CHRNA6: variants seen among roughly 807,000 people sequenced by gnomAD.
CHRNA6 encodes neuronal acetylcholine receptor subunit alpha-6.
A neutral mutation model predicts 40.9 loss-of-function variants in CHRNA6; 31 were observed. The observed-to-expected ratio is 0.76, with a 90% CI of 0.57 to 1.02. The LOEUF (loss-of-function observed/expected upper bound fraction) is 1.02, where lower values mean the gene tolerates loss of function less well. Ranked by LOEUF, CHRNA6 falls within the 50% of genes least tolerant of loss-of-function variation. The pLI is 0.00. For synonymous variants in CHRNA6, 222 were observed against 221.3 expected (o/e 1.00, Z -0.03); for missense variants, 546 against 596.6 (o/e 0.92, Z 0.88).
rs1362894215 is a variant in CHRNA6, at chr8:42,754,965, G to A, written c.1353+881C>T. On this transcript the variant is annotated intron_variant, in intron 5 of 5. Coordinates refer to ENST00000276410, the MANE Select transcript of CHRNA6 (RefSeq NM_004198.3). ...GCACCCCCAGGCTGCACGCTGCTCCGAACTCATTTCTCCTTCCCTCTGGGG... is the reference window on the plus strand; with the variant it reads ...GCACCCCCAGGCTGCACGCTGCTCCAAACTCATTTCTCCTTCCCTCTGGGG... 7.9e-5 allele frequency among the ~76,000 whole-genome samples: 12 copies of A among 151,784 alleles called. No homozygotes were observed. The East Asian group carries it at 1.2e-3, about 15-fold the overall frequency.
At chr8:42,759,866 C>A (rs1477509797) in intron 2 of CHRNA6, among the ~76,000 whole-genome samples, 1 of 148,584 alleles carries the variant, frequency 6.7e-6, no homozygotes, top group East Asian at 2.0e-4. Context: ...TGCCACTGTA[C>A]TCCAGCCCAG....
In CHRNA6 at chr8:42,756,812, G is replaced by A. The variant is rs1431022473; in HGVS notation, c.387C>T (p.Asp129=). 1 of 1,607,652 alleles carries A rather than the reference G, an allele frequency of 6.2e-7. No individual in the cohort carries two copies. Among genetic ancestry groups the A allele is most frequent in the Non-Finnish European group, 8.5e-7 (1 of 1,177,972 alleles). Residue 129 remains aspartate (D), a synonymous_variant, in exon 5 of 6, where the codon GAC becomes GAT. Coordinates refer to ENST00000276410, the MANE Select transcript of CHRNA6 (RefSeq NM_004198.3). ...DIVLYNNAVG[D]FQVEGKTKAL... ...CTTTTGTTTTGCCTTCTACTTGGAA[G>A]TCACCAACAGCACTGCAAAGCAAGT...
At chr8:42,764,386 G>A (rs1816944337) in intron 2 of CHRNA6, among the ~76,000 whole-genome samples, 1 of 151,714 alleles carries the variant, frequency 6.6e-6, no homozygotes, top group South Asian at 2.1e-4. Flanking sequence ...GGAGTGCAGT[G>A]GTGCAATCTC....
Position 42,768,398 on chromosome 8 carries a change from A to T in CHRNA6, c.33T>A (p.His11Gln), listed in dbSNP as rs1213154571. ...CACACAGCCAGAGACACAAGCCCCC[A>T]TGAAGGAATCCCTGCCCCTTGCTGG... MLTSKGQGFL[H>Q]GGLCLWLCVF... The change falls in exon 1 of 6, where the codon CAT (histidine) becomes CAA (glutamine). Residue 11 changes from histidine to glutamine, a missense_variant. This residue lies in a region of CHRNA6 where 476 missense variants were observed against 494.5 expected (regional missense o/e 0.96). Coordinates refer to ENST00000276410, the MANE Select transcript of CHRNA6 (RefSeq NM_004198.3). 1 of 1,614,026 alleles carries T rather than the reference A, an allele frequency of 6.2e-7. No individual in the cohort carries two copies. The highest frequency in any genetic ancestry group is 8.5e-7 in the Non-Finnish European group (1 of 1,179,962).
chr8:42,755,569 G>A lies in CHRNA6; in HGVS notation c.1353+277C>T, dbSNP rs571746292. Among the ~76,000 whole-genome samples the A allele has an allele frequency of 8.5e-5, 13 of 152,272 alleles. No individual in the cohort carries two copies. In the South Asian group the frequency reaches 1.2e-3, roughly 15 times the overall value. On this transcript the variant is annotated intron_variant, in intron 5 of 5. Coordinates refer to ENST00000276410, the MANE Select transcript of CHRNA6 (RefSeq NM_004198.3). ...TAGGATTACAGGCGTGAGCCACCAC[G>A]CCCGGCCCTGAATGTTCATTTTAAG...
intron 1 of CHRNA6, among the ~76,000 whole-genome samples, chr8:42,766,971 C>G (rs1040674308): frequency 3.3e-5 from 5 of 152,088 alleles, no homozygotes; most frequent in Non-Finnish European, 7.4e-5. Flanking sequence ...TTTGAAACTT[C>G]CTTTTTGTTG....
chr8:42,756,217 G>A lies in CHRNA6; in HGVS notation c.982C>T (p.His328Tyr), dbSNP rs779838446. Residue 328 changes from histidine (H) to tyrosine (Y), a missense_variant, in exon 5 of 6, where the codon CAC (histidine) becomes TAC (tyrosine). Physicochemically the swap from His to Tyr is moderately conservative, Grantham distance 83. This residue lies in a region of CHRNA6 where 476 missense variants were observed against 494.5 expected (regional missense o/e 0.96). Transcript: ENST00000276410. ...GTGTGCGTGGTTGGGGTGCGGTAGT[G>A]TATGTTCAACACAAACACAGTCACC... ...IVVTVFVLNI[H>Y]YRTPTTHTMP... The A allele has an allele frequency of 1.9e-6, 3 of 1,614,104 alleles. No homozygotes were observed. Among genetic ancestry groups the A allele is most frequent in the African/African-American group, 1.3e-5 (1 of 74,938 alleles).
chr8:42,757,453 G>A (rs1247948247), intron 3 of CHRNA6, among the ~76,000 whole-genome samples: 1 of 151,952 alleles, frequency 6.6e-6, no homozygotes, highest in Admixed American at 6.6e-5. Flanking sequence ...GGCCAGGCGT[G>A]GTGGCTCACG....
intron 5 of CHRNA6, among the ~76,000 whole-genome samples, chr8:42,754,296 T>C (rs774147421): frequency 8.5e-5 from 13 of 152,074 alleles, no homozygotes; most frequent in Non-Finnish European, 1.8e-4. Flanking sequence ...CCTCCCGCCT[T>C]AGCCTCCCAC....
Position 42,768,379 on chromosome 8 carries a change from G to A in CHRNA6, c.52C>T (p.Leu18=). Residue 18 remains leucine, a synonymous_variant, in exon 1 of 6, where the codon CTG becomes TTG. Coordinates refer to ENST00000276410, the MANE Select transcript of CHRNA6 (RefSeq NM_004198.3). ...TTAAAGAAAGGTGTGAACACACACA[G>A]CCAGAGACACAAGCCCCCATGAAGG... The part of the protein sequence containing the change: ...GFLHGGLCLW[L]CVFTPFFKGC... 1 of 1,614,020 alleles carries A rather than the reference G, an allele frequency of 6.2e-7. No individual in the cohort carries two copies. The highest frequency in any genetic ancestry group is 8.5e-7 in the Non-Finnish European group (1 of 1,179,872).
At chr8:42,764,910 G>A (rs1045062816) in intron 2 of CHRNA6, 155 bp downstream of exon 2, 13 of 717,678 alleles carry the variant, frequency 1.8e-5, no homozygotes, top group Non-Finnish European at 9.1e-6. Context: ...GACAGTTACA[G>A]CATTGGTGGG....
chr8:42,753,093 G>A lies in CHRNA6; in HGVS notation c.*86C>T, dbSNP rs1816744815. On this transcript the variant is annotated 3_prime_UTR_variant, in exon 6 of 6. Transcript: ENST00000276410. ...TTTAGCAGATGGGGGACTTGGGTGG[G>A]AAGCCTTTGCTTTCCTTTCCTTGTG... 5 of 1,316,000 alleles carry A rather than the reference G, an allele frequency of 3.8e-6. No homozygotes were observed. The highest frequency in any genetic ancestry group is 5.2e-6 in the Non-Finnish European group (5 of 956,870). The allele number at this position is 1,316,000 out of a possible 1,614,324, so 81.5% of individuals were successfully genotyped here. A position where few individuals can be genotyped will look rare whatever the true frequency, so the allele number is the denominator to read the frequency against.
chr8:42,754,745 T>C (rs1331843647), intron 5 of CHRNA6, among the ~76,000 whole-genome samples: 1 of 152,192 alleles, frequency 6.6e-6, no homozygotes, highest in African/African-American at 2.4e-5. Context: ...TTGGCATGAT[T>C]CTCTTGAGCT....
At chr8:42,761,923 A>G (rs1452618003) in intron 2 of CHRNA6, among the ~76,000 whole-genome samples, 2 of 152,216 alleles carry the variant, frequency 1.3e-5, no homozygotes, top group Non-Finnish European at 2.9e-5. Context: ...GCTGCATTAC[A>G]CCAAGGCTTT....
chr8:42,755,859 T>C lies in CHRNA6; in HGVS notation c.1340A>G (p.Asn447Ser), dbSNP rs16891583. ...QFIAENMKSH[N>S]ETKEVEDDWK... ...ACACACATTTACCTCCTTGGTTTCA[T>C]TGTGGCTCTTCATGTTTTCTGCTAT... is the stretch of plus-strand genomic sequence containing the variant. The change falls in exon 5 of 6, where the codon AAT (asparagine) becomes AGT (serine). Residue 447 changes from asparagine (N) to serine (S), a missense_variant. Asn to Ser is a conservative substitution (Grantham distance 46). Coordinates refer to ENST00000276410, the MANE Select transcript of CHRNA6 (RefSeq NM_004198.3). 3.3e-4 allele frequency: 533 copies of C among 1,613,700 alleles called. 3 individuals are homozygous for C. In the East Asian group the frequency reaches 9.7e-3, roughly 29 times the overall value.
At chr8:42,761,484 T>C (rs1436097742) in intron 2 of CHRNA6, among the ~76,000 whole-genome samples, 1 of 152,232 alleles carries the variant, frequency 6.6e-6, no homozygotes, top group Non-Finnish European at 1.5e-5. Context: ...CAAAGCCTGC[T>C]TTGTCTCTGA....
chr8:42,762,581 G>A lies in CHRNA6; in HGVS notation c.219+2484C>T, dbSNP rs189766283. Among the ~76,000 whole-genome samples, 644 of 152,244 alleles carry A rather than the reference G, an allele frequency of 4.2e-3. 5 individuals are homozygous for A. The highest frequency in any genetic ancestry group is 6.9e-3 in the Non-Finnish European group (470 of 68,016). On this transcript the variant is annotated intron_variant, in intron 2 of 5. Transcript: ENST00000276410. The stretch of plus-strand genomic sequence containing the variant: ...GTAGAATCGCTTGAGCCCGGGAGGC[G>A]TAGGTTGCAGTGAGCCAAGATCACG...
intron 3 of CHRNA6, among the ~76,000 whole-genome samples, chr8:42,758,203 G>C (rs1816839178): frequency 6.6e-6 from 1 of 152,056 alleles, no homozygotes; most frequent in Non-Finnish European, 1.5e-5. Context: ...TTGATTATTA[G>C]TTAGCTGGTT....
chr8:42,757,137 A>T, intron 3 of CHRNA6, 100 bp from the exon 4 acceptor site: 1 of 827,808 alleles, frequency 1.2e-6, no homozygotes. Context: ...AGGCCGAGGC[A>T]GGCAGGTCAC....
Sources: allele counts gnomAD v4.1 joint callset (sites outside exome capture counted in the v4.1 genomes callset), GRCh38; gene constraint gnomAD v4.1.1; regional missense constraint gnomAD v4.1.1; transcripts MANE v1.5; gene names NCBI Gene and HGNC (gene_info 2026-07-23, HGNC 2026-07-21).